MSH3: variants seen among roughly 807,000 people sequenced by gnomAD.
MSH3 encodes the protein DNA mismatch repair protein Msh3.
Under a neutral mutation model 123.3 loss-of-function variants are expected in MSH3, and 106 were observed. The observed-to-expected ratio is 0.86, with a 90% CI of 0.73 to 1.01. The LOEUF is 1.01. MSH3 is among the 50% of genes least tolerant of loss of function. The pLI is 0.00. For synonymous variants in MSH3, 515 were observed against 481.4 expected, an observed-to-expected ratio of 1.07 and a Z score of -0.91; for missense variants, 1,459 against 1,347.6, an observed-to-expected ratio of 1.08 and a Z score of -1.29.
chr5:80,761,672 CAA>C lies in MSH3; in HGVS notation c.1895_1896del (p.Lys632MetfsTer28). On this transcript the variant is annotated frameshift_variant, in exon 13 of 24. Coordinates refer to ENST00000265081, the MANE Select transcript of MSH3 (RefSeq NM_002439.5). LOFTEE classifies it high-confidence loss of function. ...AGAGGGGACTCTGTAGCATTTATCACAAAAAAGTAAGTGTGATAGAAATCTAT... is the reference window on the plus strand; with the variant it reads ...AGAGGGGACTCTGTAGCATTTATCACAAAAGTAAGTGTGATAGAAATCTAT... ...IERGLCSIYH[K>X]KCSTQEFFLI... 1.9e-6 allele frequency: 3 copies of C among 1,613,864 alleles called. No homozygotes were observed. The highest frequency in any genetic ancestry group is 2.5e-6 in the Non-Finnish European group (3 of 1,179,938).
rs755385195 is a variant in MSH3, at chr5:80,871,437, G to A, written c.3131-1679G>A. 6.6e-5 allele frequency among the ~76,000 whole-genome samples: 10 copies of A among 152,326 alleles called. No homozygotes were observed. The East Asian group carries it at 9.7e-4, about 15-fold the overall frequency. ...GGCTGAAAACTGTAGCCCTGTAAGA[G>A]ACCCTCTAGTTCGGTTCCTCACAGG... On this transcript the variant is annotated intron_variant, in intron 22 of 23. Coordinates refer to ENST00000265081, the MANE Select transcript of MSH3 (RefSeq NM_002439.5).
chr5:80,761,659 G>A lies in MSH3; in HGVS notation c.1877G>A (p.Cys626Tyr), dbSNP rs780102728. ...TTGCCCGACATAGAGAGGGGACTCT[G>A]TAGCATTTATCACAAAAAAGTAAGT... ...RKLPDIERGL[C>Y]SIYHKKCSTQ... Residue 626 changes from cysteine to tyrosine, a missense_variant, in exon 13 of 24, where the codon TGT (cysteine) becomes TAT (tyrosine). Physicochemically the swap from Cys to Tyr is radical, Grantham distance 194. Transcript: ENST00000265081. The A allele has an allele frequency of 9.3e-6, 15 of 1,613,996 alleles. No individual in the cohort carries two copies. The Admixed American group carries it at 2.2e-4, about 23-fold the overall frequency.
chr5:80,782,394 A>G (rs1378947335), intron 17 of MSH3, among the ~76,000 whole-genome samples: 2 of 152,128 alleles, frequency 1.3e-5, no homozygotes, highest in South Asian at 2.1e-4. Flanking sequence ...ACAGTACAGT[A>G]TAACTGCTAT....
chr5:80,871,244 G>T (rs910199655), intron 22 of MSH3, among the ~76,000 whole-genome samples: 2 of 152,172 alleles, frequency 1.3e-5, no homozygotes, highest in Non-Finnish European at 2.9e-5. Flanking sequence ...GGGTGAGGGG[G>T]ATAGACCTCT....
chr5:80,848,746 A>G (rs1745771819), intron 20 of MSH3, among the ~76,000 whole-genome samples: 1 of 152,174 alleles, frequency 6.6e-6, no homozygotes, highest in African/African-American at 2.4e-5. Context: ...CCCTCCCACA[A>G]CACGTGGGAA....
chr5:80,839,768 A>G (rs1039029988), intron 20 of MSH3, among the ~76,000 whole-genome samples: 3 of 152,194 alleles, frequency 2.0e-5, no homozygotes, highest in African/African-American at 4.8e-5. Flanking sequence ...ACAATAAAAT[A>G]CTTTCAAAAA....
chr5:80,856,467 C>T lies in MSH3; in HGVS notation c.3000+2151C>T, dbSNP rs185031892. The stretch of plus-strand genomic sequence containing the variant: ...ATCGCAAGGACAAAAAACCAAACAC[C>T]GCATGTTCTCACTCATAGGTGGGAG... On this transcript the variant is annotated intron_variant, in intron 21 of 23. Coordinates refer to ENST00000265081, the MANE Select transcript of MSH3 (RefSeq NM_002439.5). Among the ~76,000 whole-genome samples, 872 of 146,002 alleles carry T rather than the reference C, an allele frequency of 6.0e-3. 13 individuals are homozygous for T. The highest frequency in any genetic ancestry group is 4.6e-3 in the Non-Finnish European group (308 of 67,304).
intron 19 of MSH3, among the ~76,000 whole-genome samples, chr5:80,795,397 C>G (rs1014560067): frequency 6.6e-6 from 1 of 152,062 alleles, no homozygotes; most frequent in South Asian, 2.1e-4. Context: ...GCTGGAAAGT[C>G]CAAGATCAAG....
intron 20 of MSH3, among the ~76,000 whole-genome samples, chr5:80,839,834 G>A (rs1259950910): frequency 6.6e-6 from 1 of 152,070 alleles, no homozygotes; most frequent in African/African-American, 2.4e-5. Context: ...GCAAATCAGA[G>A]GGCACAAAAC....
chr5:80,827,420 CTTAT>C (rs1431434947), intron 20 of MSH3, among the ~76,000 whole-genome samples: 2 of 152,190 alleles, frequency 1.3e-5, no homozygotes, highest in Non-Finnish European at 2.9e-5. Context: ...TACTTAGTAA[CTTAT>C]TTGTTTGCCC....
chr5:80,781,358 C>G (rs893797796), intron 17 of MSH3, among the ~76,000 whole-genome samples: 1 of 152,066 alleles, frequency 6.6e-6, no homozygotes, highest in Non-Finnish European at 1.5e-5. Context: ...TTTCATAGAT[C>G]TGGCTTCTAT....
At chr5:80,687,972 C>A (rs1359796683) in intron 8 of MSH3, among the ~76,000 whole-genome samples, 2 of 152,082 alleles carry the variant, frequency 1.3e-5, no homozygotes. Flanking sequence ...AATTAAAGAG[C>A]TAGGTGGAGA....
At chr5:80,724,007 C>T (rs1026006590) in intron 8 of MSH3, among the ~76,000 whole-genome samples, 3 of 152,158 alleles carry the variant, frequency 2.0e-5, no homozygotes, top group Non-Finnish European at 4.4e-5. Flanking sequence ...CCTCCTGCCT[C>T]GGCCTCCCAA....
At chr5:80,660,489 G>A (rs966683020) in intron 2 of MSH3, among the ~76,000 whole-genome samples, 5 of 152,016 alleles carry the variant, frequency 3.3e-5, no homozygotes, top group African/African-American at 9.7e-5. Context: ...TATTTGGGTC[G>A]GGGCACAGTC....
At chr5:80,682,386 G>C (rs1749993075) in intron 8 of MSH3, among the ~76,000 whole-genome samples, 1 of 152,104 alleles carries the variant, frequency 6.6e-6, no homozygotes, top group Non-Finnish European at 1.5e-5. Flanking sequence ...TGCTGTAGAA[G>C]GCTCTCTGTA....
chr5:80,677,337 T>C (rs1235667405), intron 7 of MSH3, among the ~76,000 whole-genome samples: 7 of 152,180 alleles, frequency 4.6e-5, no homozygotes, highest in Admixed American at 3.9e-4. Context: ...GGTTTCTCAG[T>C]GTGATACATA....
At chr5:80,787,493 C>T in intron 17 of MSH3, 72 bp from the exon 18 acceptor site, 1 of 944,208 alleles carries the variant, frequency 1.1e-6, no homozygotes, top group Non-Finnish European at 1.7e-6. Context: ...AAAGTGATTG[C>T]TTGTTGTAGA....
chr5:80,807,117 A>G (rs1355965900), intron 19 of MSH3, among the ~76,000 whole-genome samples: 1 of 150,224 alleles, frequency 6.7e-6, no homozygotes, highest in African/African-American at 2.5e-5. Context: ...TCTTGAGCCC[A>G]GAAGGTTGAG....
intron 19 of MSH3, among the ~76,000 whole-genome samples, chr5:80,800,400 A>G (rs1167829906): frequency 1.3e-5 from 2 of 152,172 alleles, no homozygotes; most frequent in African/African-American, 4.8e-5. Flanking sequence ...GTTATTGCCA[A>G]CTTTCAGATT....
Sources: allele counts gnomAD v4.1 joint callset (sites outside exome capture counted in the v4.1 genomes callset), GRCh38; gene constraint gnomAD v4.1.1; transcripts MANE v1.5; gene names NCBI Gene and HGNC (gene_info 2026-07-23, HGNC 2026-07-21).